CELF2: variants seen among roughly 807,000 people sequenced by gnomAD.
The protein encoded by CELF2 is CUG triplet repeat RNA-binding protein 2.
In CELF2, 8 loss-of-function variants were observed where a neutral mutation model predicts 62.6. That is an observed-to-expected ratio of 0.13 (90% CI 0.07 to 0.23). The LOEUF (loss-of-function observed/expected upper bound fraction) is 0.23, where lower values mean the gene tolerates loss of function less well. Ranked by LOEUF, CELF2 falls within the 10% of genes least tolerant of loss-of-function variation. CELF2 has a pLI of 1.00. For missense variants in CELF2, 333 were observed against 671.0 expected, an observed-to-expected ratio of 0.50 and a Z score of 5.56; for synonymous variants, 258 against 250.0, an observed-to-expected ratio of 1.03 and a Z score of -0.30.
chr10:10,520,481 C>T, the CELF2 span, among the ~76,000 whole-genome samples: 1 of 152,116 alleles, frequency 6.6e-6, no homozygotes, highest in African/African-American at 2.4e-5. Context: ...TACTTAAGAG[C>T]ATGTCCTCGA....
chr10:11,276,206 G>A (rs2086056617), intron 8 of CELF2, among the ~76,000 whole-genome samples: 1 of 151,934 alleles, frequency 6.6e-6, no homozygotes, highest in Non-Finnish European at 1.5e-5. Context: ...CTTCTCCCTG[G>A]GTGTGGTGTG....
At chr10:10,697,238 G>A in the CELF2 span, among the ~76,000 whole-genome samples, 3 of 152,148 alleles carry the variant, frequency 2.0e-5, no homozygotes, top group Non-Finnish European at 4.4e-5. Flanking sequence ...TAACATGGGT[G>A]GGAATTGCCA....
At chr10:10,873,704 C>T (rs961107043) in intron 1 of CELF2, among the ~76,000 whole-genome samples, 12 of 152,150 alleles carry the variant, frequency 7.9e-5, no homozygotes, top group African/African-American at 1.9e-4. Flanking sequence ...AGCAATAAAT[C>T]GAAGATCTGT....
intron 2 of CELF2, among the ~76,000 whole-genome samples, chr10:11,181,312 C>T (rs1405162956): frequency 6.6e-6 from 1 of 152,194 alleles, no homozygotes; most frequent in African/African-American, 2.4e-5. Flanking sequence ...ACTGACGTTA[C>T]CTCTCTCATT....
At chr10:10,706,075 G>T in the CELF2 span, among the ~76,000 whole-genome samples, 4 of 152,182 alleles carry the variant, frequency 2.6e-5, no homozygotes, top group Non-Finnish European at 5.9e-5. Context: ...TGTTCTCTCA[G>T]TCTGCAGAGG....
At position 10,851,795 on chromosome 10, in the gene CELF2, C is replaced by T. The variant is rs555712809; in HGVS notation, c.53+52978C>T. Among the ~76,000 whole-genome samples the T allele has an allele frequency of 3.9e-5, 6 of 152,182 alleles. No individual in the cohort carries two copies. In the East Asian group the frequency reaches 7.7e-4, roughly 20 times the overall value. On this transcript the variant is annotated intron_variant, in intron 1 of 13. Coordinates refer to the CELF2 transcript ENST00000636488. ...CAATTTTTTAAGTGGGCAAAAAAAT[C>T]GAGCAGGCATATTACCAAAGAAGGC...
intron 2 of CELF2, among the ~76,000 whole-genome samples, chr10:10,954,247 A>G (rs1043712571): frequency 7.4e-6 from 1 of 135,838 alleles, no homozygotes; most frequent in African/African-American, 2.8e-5. Flanking sequence ...TATTATTATT[A>G]TTATTATTAT....
chr10:10,641,907 T>C, the CELF2 span, among the ~76,000 whole-genome samples: 4 of 152,202 alleles, frequency 2.6e-5, no homozygotes, highest in Admixed American at 2.0e-4. Context: ...TTTCTCACAA[T>C]GGACTCTTCA....
chr10:11,087,471 G>C (rs2047129602), intron 1 of CELF2, among the ~76,000 whole-genome samples: 1 of 152,206 alleles, frequency 6.6e-6, no homozygotes, highest in Non-Finnish European at 1.5e-5. Context: ...GTAGCAACTG[G>C]CTTCTCCATT....
At chr10:11,193,257 T>C (rs1178240571) in intron 2 of CELF2, among the ~76,000 whole-genome samples, 2 of 152,210 alleles carry the variant, frequency 1.3e-5, no homozygotes, top group African/African-American at 2.4e-5. Context: ...TGCTTCCTGG[T>C]TGGAAAACCC....
intron 1 of CELF2, among the ~76,000 whole-genome samples, chr10:10,866,574 C>T (rs1250748448): frequency 7.3e-6 from 1 of 136,504 alleles, no homozygotes; most frequent in Non-Finnish European, 1.5e-5. Flanking sequence ...CACTGCACTC[C>T]AGTCTGGGTG....
Position 11,237,023 on chromosome 10 carries a change from G to A in CELF2, c.355-12130G>A, listed in dbSNP as rs1403376103. 6.6e-6 allele frequency among the ~76,000 whole-genome samples: 1 copy of A among 152,166 alleles called. No homozygotes were observed. The highest frequency in any genetic ancestry group is 1.5e-5 in the Non-Finnish European group (1 of 68,022). ...TAGATAAGTCAAAGTCTTTGAGTGG[G>A]GGAGAAAAATTTCTAGACTGAGTTT... is the stretch of plus-strand genomic sequence containing the variant. On this transcript the variant is annotated intron_variant, in intron 3 of 12. Coordinates refer to ENST00000633077, the MANE Select transcript of CELF2 (RefSeq NM_001326342.2). This position sits in a 1 kb window ranked among gnomAD's most constrained non-coding sequence, Gnocchi z 4.0.
At chr10:10,488,501 A>G in the CELF2 span, among the ~76,000 whole-genome samples, 4 of 152,274 alleles carry the variant, frequency 2.6e-5, no homozygotes, top group South Asian at 6.2e-4. Context: ...TTTATTCAGT[A>G]TTAGCTATAA....
At chr10:11,161,907 A>G (rs1007468260) in intron 1 of CELF2, among the ~76,000 whole-genome samples, 2 of 152,336 alleles carry the variant, frequency 1.3e-5, no homozygotes, top group Non-Finnish European at 1.5e-5. Flanking sequence ...ACTGTTGAAC[A>G]CATAATTTCT....
At position 11,018,107 on chromosome 10, in the gene CELF2, G is replaced by T; in HGVS notation, c.18G>T (p.Lys6Asn). ...CCGCGAACATGACTTCTGCCTTCAA[G>T]CTGGATTTCCTCCCGGACATGATGG... MTSAFKLDFLPDMMVE... is the reference protein window; with the variant it reads MTSAFNLDFLPDMMVE... Residue 6 changes from lysine (K) to asparagine (N), a missense_variant, in exon 1 of 13, where the codon AAG (lysine) becomes AAT (asparagine). Physicochemically the swap from Lys to Asn is moderately conservative, Grantham distance 94. This residue lies in a region of CELF2 where 45 missense variants were observed against 39.8 expected (regional missense o/e 1.13). Transcript: ENST00000633077. 1 of 1,507,372 alleles carries T rather than the reference G, an allele frequency of 6.6e-7. No homozygotes were observed. Among genetic ancestry groups the T allele is most frequent in the Non-Finnish European group, 8.9e-7 (1 of 1,123,062 alleles). 93.4% of individuals were successfully genotyped at this position (1,507,372 alleles called of 1,614,324 possible).
chr10:11,027,947 G>T (rs138478526), intron 1 of CELF2, among the ~76,000 whole-genome samples: 2 of 152,144 alleles, frequency 1.3e-5, no homozygotes, highest in Admixed American at 6.5e-5. Flanking sequence ...AAAACTGGCC[G>T]CAAGTTCCCC....
chr10:10,636,821 C>T, the CELF2 span, among the ~76,000 whole-genome samples: 543 of 152,140 alleles, frequency 3.6e-3, 2 homozygotes, highest in African/African-American at 0.013. Flanking sequence ...AGGGGTTCAC[C>T]AAGTTCTGAA....
chr10:10,901,664 A>G (rs752985314), intron 1 of CELF2, among the ~76,000 whole-genome samples: 3 of 150,046 alleles, frequency 2.0e-5, no homozygotes, highest in Non-Finnish European at 4.4e-5. Context: ...GGACTTCACT[A>G]AAGTTTTTTT....
the CELF2 span, among the ~76,000 whole-genome samples, chr10:10,570,294 A>G: frequency 6.6e-6 from 1 of 152,176 alleles, no homozygotes; most frequent in Admixed American, 6.6e-5. Context: ...TCCCAGGAGC[A>G]GGGTGGAGGC....
Sources: allele counts gnomAD v4.1 joint callset (sites outside exome capture counted in the v4.1 genomes callset), GRCh38; gene constraint gnomAD v4.1.1; regional missense constraint gnomAD v4.1.1; non-coding constraint Gnocchi (gnomAD v3.1); transcripts MANE v1.5; gene names NCBI Gene and HGNC (gene_info 2026-07-23, HGNC 2026-07-21).